The following PTPRN2 variants were observed in gnomAD, a reference collection of about 807,000 sequenced individuals.
PTPRN2 encodes protein tyrosine phosphatase receptor type N2, also known as receptor-type tyrosine-protein phosphatase N2.
A neutral mutation model predicts 118.8 loss-of-function variants in PTPRN2; 74 were observed. That is an observed-to-expected ratio of 0.62 (90% CI 0.52 to 0.76). The LOEUF is 0.76. Among genes scored for constraint, PTPRN2 ranks in the 30% least tolerant of loss-of-function variants. The pLI is 0.00. For missense variants in PTPRN2, 1,481 were observed against 1,394.4 expected, an observed-to-expected ratio of 1.06 and a Z score of -0.99; for synonymous variants, 641 against 608.0, an observed-to-expected ratio of 1.05 and a Z score of -0.80.
chr7:158,504,390 C>A (rs79216032), intron 1 of PTPRN2, among the ~76,000 whole-genome samples: 13 of 152,292 alleles, frequency 8.5e-5, no homozygotes, highest in African/African-American at 2.6e-4. Context: ...TCGTTCCCCC[C>A]CCATGTGTCC....
At chr7:158,150,924 C>G (rs1267366738) in intron 6 of PTPRN2, among the ~76,000 whole-genome samples, 4 of 152,028 alleles carry the variant, frequency 2.6e-5, no homozygotes. Flanking sequence ...CCCCACACAA[C>G]ACCGAGAAGC....
intron 21 of PTPRN2, among the ~76,000 whole-genome samples, chr7:157,553,351 C>T (rs1470979894): frequency 3.9e-5 from 6 of 152,198 alleles, no homozygotes; most frequent in East Asian, 1.9e-4. Flanking sequence ...ACCGCCCTCC[C>T]GAATTCTGGC....
intron 13 of PTPRN2, among the ~76,000 whole-genome samples, chr7:157,663,496 C>T (rs1795995418): frequency 6.6e-6 from 1 of 152,222 alleles, no homozygotes; most frequent in Admixed American, 6.5e-5. Context: ...CGGGGTCGGG[C>T]CAGCTCCCTC....
intron 3 of PTPRN2, among the ~76,000 whole-genome samples, chr7:158,294,223 G>C (rs1800311141): frequency 6.6e-6 from 1 of 152,140 alleles, no homozygotes; most frequent in South Asian, 2.1e-4. Flanking sequence ...ATCTGCTGCT[G>C]GTGGAAACAT....
intron 3 of PTPRN2, among the ~76,000 whole-genome samples, chr7:158,239,784 G>A (rs1177432487): frequency 6.6e-6 from 1 of 152,218 alleles, no homozygotes; most frequent in Non-Finnish European, 1.5e-5. Flanking sequence ...GTCATTTCCT[G>A]GTGAAATGAA....
chr7:158,580,554 A>G (rs945084935), intron 1 of PTPRN2, among the ~76,000 whole-genome samples: 1 of 152,168 alleles, frequency 6.6e-6, no homozygotes, highest in Non-Finnish European at 1.5e-5. Flanking sequence ...CTTTCCTTCC[A>G]CCAGCATAGT....
intron 2 of PTPRN2, among the ~76,000 whole-genome samples, chr7:158,402,831 C>T (rs117629830): frequency 0.017 from 2,517 of 152,276 alleles, 32 homozygotes; most frequent in Non-Finnish European, 0.028. Flanking sequence ...CAACCCAGGC[C>T]AGGGACTGTC....
At chr7:158,541,505 C>G in intron 1 of PTPRN2, 1 of 1,352,180 alleles carries the variant, frequency 7.4e-7, no homozygotes, top group Middle Eastern at 2.1e-4. Flanking sequence ...CTGAAACAAA[C>G]ATCACTTCCA....
At chr7:158,440,849 GGGT>G (rs1563294735) in intron 2 of PTPRN2, among the ~76,000 whole-genome samples, 5 of 125,962 alleles carry the variant, frequency 4.0e-5, no homozygotes, top group African/African-American at 5.9e-5. Context: ...GCAGTGACGG[GGGT>G]GGTGGTGGGG....
chr7:158,262,520 A>ATT (rs1797511411), intron 3 of PTPRN2, among the ~76,000 whole-genome samples: 9 of 137,240 alleles, frequency 6.6e-5, no homozygotes, highest in Non-Finnish European at 1.5e-5. Flanking sequence ...ACACACATTC[A>ATT]CACACTGCAC....
chr7:157,778,643 C>T (rs1803486455), intron 12 of PTPRN2, among the ~76,000 whole-genome samples: 1 of 151,606 alleles, frequency 6.6e-6, no homozygotes, highest in Non-Finnish European at 1.5e-5. Flanking sequence ...GACATGTACA[C>T]ATGAATACAG....
At chr7:158,302,512 T>C (rs1214448615) in intron 3 of PTPRN2, among the ~76,000 whole-genome samples, 1 of 152,236 alleles carries the variant, frequency 6.6e-6, no homozygotes, top group Non-Finnish European at 1.5e-5. Context: ...GTACGGGGGT[T>C]ACCCCAGATC....
chr7:158,147,448 A>C (rs201053286), intron 6 of PTPRN2, among the ~76,000 whole-genome samples: 20 of 29,472 alleles, frequency 6.8e-4, no homozygotes, highest in South Asian at 1.8e-3. Context: ...TTCCCCCTCA[A>C]TGACACCCCA....
chr7:157,972,246 G>A (rs186390720), intron 11 of PTPRN2, among the ~76,000 whole-genome samples: 4 of 152,324 alleles, frequency 2.6e-5, no homozygotes, highest in African/African-American at 2.4e-5. Flanking sequence ...CAAAACTCAC[G>A]TCAGTCATTC....
intron 11 of PTPRN2, among the ~76,000 whole-genome samples, chr7:157,946,406 AT>A (rs1800490978): frequency 6.6e-6 from 1 of 152,232 alleles, no homozygotes; most frequent in Admixed American, 6.5e-5. Flanking sequence ...AAGAATAGTT[AT>A]TTGTTCACAC....
intron 11 of PTPRN2, chr7:158,028,188 T>C (rs1028057699): frequency 6.6e-5 from 10 of 152,218 alleles, no homozygotes; most frequent in African/African-American, 2.4e-4. Context: ...ACCAAAATTC[T>C]CTGGACATTT....
intron 2 of PTPRN2, among the ~76,000 whole-genome samples, chr7:158,452,577 C>A (rs989363018): frequency 2.0e-5 from 3 of 152,206 alleles, no homozygotes; most frequent in African/African-American, 4.8e-5. Flanking sequence ...CCCTCCCACT[C>A]ACAGACTGTG....
intron 11 of PTPRN2, among the ~76,000 whole-genome samples, chr7:158,059,281 A>C (rs1416416122): frequency 2.5e-4 from 30 of 120,698 alleles, no homozygotes; most frequent in East Asian, 5.1e-4. Flanking sequence ...CTCCATCTGC[A>C]CACAGTGACA....
chr7:158,264,895 TG>T (rs1338442275), intron 3 of PTPRN2, among the ~76,000 whole-genome samples: 2 of 152,150 alleles, frequency 1.3e-5, no homozygotes, highest in Non-Finnish European at 2.9e-5. Flanking sequence ...CATGGAGTTT[TG>T]GGGTCCTCCT....
Sources: allele counts gnomAD v4.1 joint callset (sites outside exome capture counted in the v4.1 genomes callset), GRCh38; gene constraint gnomAD v4.1.1; transcripts MANE v1.5; gene names NCBI Gene and HGNC (gene_info 2026-07-23, HGNC 2026-07-21).